Variants in HYCC1 observed in about 807,000 individuals in gnomAD.
HYCC1 encodes the protein hyccin.
chr7:22,942,751 C>T, the HYCC1 span: 1 of 152,106 alleles, frequency 6.6e-6, no homozygotes, highest in Non-Finnish European at 1.5e-5. Flanking sequence ...AAGTGACCTA[C>T]AAAAGCTACC....
At chr7:22,898,396 T>A in the HYCC1 span, among the ~76,000 whole-genome samples, 1 of 151,584 alleles carries the variant, frequency 6.6e-6, no homozygotes, top group Non-Finnish European at 1.5e-5. Context: ...GTATTTTTAG[T>A]AGAGATGGGG....
the HYCC1 span, among the ~76,000 whole-genome samples, chr7:22,923,837 G>A: frequency 6.6e-6 from 1 of 151,752 alleles, no homozygotes; most frequent in Non-Finnish European, 1.5e-5. Context: ...ATTACTAGAA[G>A]GTACAAACTA....
chr7:23,001,881 G>C, the HYCC1 span, among the ~76,000 whole-genome samples: 4 of 145,368 alleles, frequency 2.8e-5, no homozygotes, highest in African/African-American at 1.0e-4. Context: ...GGTTTCCTTT[G>C]CTTTATGGCA....
the HYCC1 span, among the ~76,000 whole-genome samples, chr7:22,996,194 G>C: frequency 1.3e-5 from 2 of 151,376 alleles, no homozygotes; most frequent in African/African-American, 4.8e-5. Flanking sequence ...TTGGGAGGCT[G>C]AGATAGAAGA....
the HYCC1 span, among the ~76,000 whole-genome samples, chr7:22,929,349 T>A: frequency 6.6e-6 from 1 of 152,158 alleles, no homozygotes. Flanking sequence ...ATGGGATCTA[T>A]TTAAACTAAA....
chr7:23,009,512 T>A, the HYCC1 span, among the ~76,000 whole-genome samples: 1 of 152,166 alleles, frequency 6.6e-6, no homozygotes. Context: ...CAAGTTACAA[T>A]GCCAAATAAT....
the HYCC1 span, among the ~76,000 whole-genome samples, chr7:22,963,401 C>T: frequency 6.6e-5 from 10 of 152,144 alleles, no homozygotes; most frequent in African/African-American, 2.2e-4. Context: ...AAATAAAACA[C>T]GGTAACAGAG....
chr7:22,942,198 T>C, the HYCC1 span: 1 of 152,216 alleles, frequency 6.6e-6, no homozygotes, highest in Non-Finnish European at 1.5e-5. Flanking sequence ...GTTTTAAAAA[T>C]ATATTTCCCT....
the HYCC1 span, among the ~76,000 whole-genome samples, chr7:22,970,793 C>CA: frequency 3.9e-5 from 6 of 151,952 alleles, no homozygotes; most frequent in African/African-American, 7.3e-5. Context: ...ATTTAAATGC[C>CA]AAAAAAACAA....
At chr7:22,987,482 A>C in the HYCC1 span, among the ~76,000 whole-genome samples, 1 of 152,224 alleles carries the variant, frequency 6.6e-6, no homozygotes, top group Non-Finnish European at 1.5e-5. Flanking sequence ...CAGGAGGTGG[A>C]GGTTGCAGTG....
chr7:22,986,675 G>A, the HYCC1 span, among the ~76,000 whole-genome samples: 35 of 152,248 alleles, frequency 2.3e-4, no homozygotes, highest in East Asian at 5.4e-3. Flanking sequence ...GTGAAACCCC[G>A]TCTTTAGTAA....
chr7:22,953,959 A>T, the HYCC1 span, among the ~76,000 whole-genome samples: 64 of 151,766 alleles, frequency 4.2e-4, no homozygotes, highest in Non-Finnish European at 8.7e-4. Context: ...AAATAAAAAC[A>T]TACACATTAT....
the HYCC1 span, among the ~76,000 whole-genome samples, chr7:22,954,744 C>T: frequency 2.0e-5 from 3 of 151,400 alleles, no homozygotes; most frequent in East Asian, 5.8e-4. Flanking sequence ...GAAATATATA[C>T]AGTTGCTACT....
the HYCC1 span, among the ~76,000 whole-genome samples, chr7:22,905,252 G>A: frequency 1.3e-5 from 2 of 151,786 alleles, no homozygotes; most frequent in Non-Finnish European, 2.9e-5. Flanking sequence ...TGTTGCCCAG[G>A]CTGGAGTGCA....
chr7:23,013,969 G>A, the HYCC1 span: 6 of 470,826 alleles, frequency 1.3e-5, no homozygotes, highest in South Asian at 4.6e-5. Context: ...CGACTCGTGA[G>A]GCTCTCAGCG....
chr7:22,974,171 T>C, the HYCC1 span, among the ~76,000 whole-genome samples: 2 of 152,140 alleles, frequency 1.3e-5, no homozygotes, highest in Non-Finnish European at 2.9e-5. Context: ...ATAACAGAGT[T>C]TTCACTAGAC....
the HYCC1 span, among the ~76,000 whole-genome samples, chr7:22,995,702 C>A: frequency 6.6e-6 from 1 of 152,124 alleles, no homozygotes; most frequent in Non-Finnish European, 1.5e-5. Flanking sequence ...AGTTTCCTTA[C>A]GGAAGAATTC....
the HYCC1 span, among the ~76,000 whole-genome samples, chr7:22,924,456 T>C: frequency 0.67 from 102,033 of 151,990 alleles, 34,222 homozygotes; most frequent in African/African-American, 0.71. Context: ...TGACAGACGG[T>C]ACCTGGAAAA....
the HYCC1 span, among the ~76,000 whole-genome samples, chr7:23,000,453 T>C: frequency 6.6e-6 from 1 of 152,118 alleles, no homozygotes. Context: ...TATGTATATA[T>C]ACACATATAC....
Sources: gnomAD v4.1 joint callset for allele counts (sites outside exome capture counted in the v4.1 genomes callset) on GRCh38, gnomAD v4.1.1 for gene constraint, MANE v1.5 for transcripts, NCBI Gene and HGNC (gene_info 2026-07-23, HGNC 2026-07-21) for gene names.